Variants in NEGR1 observed in about 807,000 individuals in gnomAD.
NEGR1 encodes the protein IgLON family member 4.
NEGR1 carries 10 observed loss-of-function variants against 40.9 expected under a neutral mutation model. The observed-to-expected ratio is 0.24, with a 90% CI of 0.15 to 0.42. The LOEUF is 0.42. NEGR1 is among the 10% of genes least tolerant of loss of function. NEGR1 has a pLI of 1.00. For missense variants in NEGR1, 352 were observed against 438.9 expected (o/e 0.80, Z 1.77); for synonymous variants, 185 against 166.8 (o/e 1.11, Z -0.84).
chr1:71,677,511 A>G (rs577091222), intron 4 of NEGR1, among the ~76,000 whole-genome samples: 1 of 148,004 alleles, frequency 6.8e-6, no homozygotes, highest in Non-Finnish European at 1.5e-5. Flanking sequence ...AAGTTATCAT[A>G]TTTATTTTAC....
intron 1 of NEGR1, among the ~76,000 whole-genome samples, chr1:72,048,025 C>T (rs1647018826): frequency 6.6e-6 from 1 of 151,538 alleles, no homozygotes; most frequent in African/African-American, 2.4e-5. Flanking sequence ...GGACCAACTA[C>T]TCTTTTGACT....
intron 3 of NEGR1, among the ~76,000 whole-genome samples, chr1:71,717,990 C>T (rs919054872): frequency 6.6e-5 from 10 of 152,160 alleles, no homozygotes; most frequent in Non-Finnish European, 7.3e-5. Flanking sequence ...AGACTTATAG[C>T]CTCCAGAATT....
intron 3 of NEGR1, among the ~76,000 whole-genome samples, chr1:71,766,377 C>A (rs1315889808): frequency 6.6e-6 from 1 of 152,126 alleles, no homozygotes; most frequent in African/African-American, 2.4e-5. Context: ...TAGGCAATAG[C>A]CTTAATGCCT....
chr1:71,711,703 T>C (rs993237750), intron 3 of NEGR1, among the ~76,000 whole-genome samples: 1 of 152,208 alleles, frequency 6.6e-6, no homozygotes, highest in Non-Finnish European at 1.5e-5. Context: ...TTAGCATTAC[T>C]GACAATTGCT....
chr1:72,051,852 C>T (rs898947882), intron 1 of NEGR1, among the ~76,000 whole-genome samples: 3 of 151,468 alleles, frequency 2.0e-5, no homozygotes, highest in Admixed American at 1.3e-4. Context: ...GGTCTTGAAT[C>T]ACTGCCTTTT....
chr1:72,040,577 C>CAAAAAAAAAA (rs5775102), intron 1 of NEGR1, among the ~76,000 whole-genome samples: 13 of 29,704 alleles, frequency 4.4e-4, no homozygotes, highest in African/African-American at 9.8e-4. Flanking sequence ...GAGCACTGAC[C>CAAAAAAAAAA]AAAAAAAAAA....
At chr1:72,068,099 G>C (rs1047928420) in intron 1 of NEGR1, among the ~76,000 whole-genome samples, 1 of 152,128 alleles carries the variant, frequency 6.6e-6, no homozygotes, top group Non-Finnish European at 1.5e-5. Context: ...CTACATTACT[G>C]TAACTGTTCC....
intron 1 of NEGR1, among the ~76,000 whole-genome samples, chr1:72,062,617 CA>C (rs942483798): frequency 4.0e-5 from 6 of 151,830 alleles, no homozygotes; most frequent in African/African-American, 1.4e-4. Context: ...GATGAATTCC[CA>C]AAATACATGT....
At chr1:72,123,778 T>C (rs1240190522) in intron 1 of NEGR1, among the ~76,000 whole-genome samples, 3 of 152,010 alleles carry the variant, frequency 2.0e-5, no homozygotes, top group African/African-American at 7.2e-5. Flanking sequence ...TGGAATTCAA[T>C]AGCTTCTTTA....
intron 1 of NEGR1, among the ~76,000 whole-genome samples, chr1:72,216,374 TATATATATAC>T (rs994684050): frequency 2.9e-5 from 3 of 103,096 alleles, no homozygotes; most frequent in Non-Finnish European, 6.1e-5. Context: ...TTGGAAGTTA[TATATATATAC>T]ATATATATAT....
At chr1:71,732,431 A>G (rs1007940981) in intron 3 of NEGR1, among the ~76,000 whole-genome samples, 5 of 151,982 alleles carry the variant, frequency 3.3e-5, no homozygotes, top group Non-Finnish European at 5.9e-5. Context: ...AATGTGTTCA[A>G]TTTTATACTA....
At chr1:71,862,996 G>A (rs931184419) in intron 2 of NEGR1, among the ~76,000 whole-genome samples, 1 of 152,158 alleles carries the variant, frequency 6.6e-6, no homozygotes, top group African/African-American at 2.4e-5. Context: ...TTACACTGTT[G>A]GTGGGAATGT....
At chr1:71,637,698 G>A (rs1002182760) in intron 4 of NEGR1, among the ~76,000 whole-genome samples, 1 of 151,840 alleles carries the variant, frequency 6.6e-6, no homozygotes, top group African/African-American at 2.4e-5. Flanking sequence ...AAACCATGAG[G>A]AGGAGAATAA....
At chr1:71,910,514 T>A (rs1378362612) in intron 2 of NEGR1, among the ~76,000 whole-genome samples, 1 of 152,186 alleles carries the variant, frequency 6.6e-6, no homozygotes, top group Non-Finnish European at 1.5e-5. Context: ...AGAGTGTAAA[T>A]TTAAGTCCAG....
chr1:72,278,136 AG>A (rs1178256528), intron 1 of NEGR1, among the ~76,000 whole-genome samples: 1 of 152,178 alleles, frequency 6.6e-6, no homozygotes. Context: ...CTTCCGTATT[AG>A]AGTATCATAG....
Position 71,992,294 on chromosome 1 carries a change from G to T in NEGR1, c.177-56983C>A, listed in dbSNP as rs192829980. 2.9e-3 allele frequency among the ~76,000 whole-genome samples: 434 copies of T among 151,984 alleles called. 1 individual carries two copies. The highest frequency in any genetic ancestry group is 0.01 in the African/African-American group (415 of 41,466). On this transcript the variant is annotated intron_variant, in intron 1 of 6. Transcript: ENST00000357731. ...ATTAAAAATAAGTATAAAAATTAAA[G>T]AAGAATTTATATACACATTGCTACA...
chr1:71,512,503 A>T (rs1462885373), intron 6 of NEGR1, among the ~76,000 whole-genome samples: 3 of 152,180 alleles, frequency 2.0e-5, no homozygotes, highest in Non-Finnish European at 4.4e-5. Context: ...CAAAATTTGC[A>T]CAGCATCTGT....
chr1:71,539,092 G>A (rs1250897945), intron 6 of NEGR1, among the ~76,000 whole-genome samples: 1 of 151,670 alleles, frequency 6.6e-6, no homozygotes, highest in Non-Finnish European at 1.5e-5. Flanking sequence ...CCAGTACTTA[G>A]GAGCCACTCA....
intron 6 of NEGR1, chr1:71,421,450 C>A (rs1487636069): frequency 2.0e-5 from 3 of 151,992 alleles, no homozygotes; most frequent in Admixed American, 6.6e-5. Flanking sequence ...ATTAAGAGAA[C>A]CTTATATTCC....
Sources: allele counts gnomAD v4.1 joint callset (sites outside exome capture counted in the v4.1 genomes callset), GRCh38; gene constraint gnomAD v4.1.1; transcripts MANE v1.5; gene names NCBI Gene and HGNC (gene_info 2026-07-23, HGNC 2026-07-21).